The following LRRC53 variants were observed in gnomAD, a reference collection of about 807,000 sequenced individuals.
LRRC53 encodes leucine-rich repeat-containing protein 53.
LRRC53 carries 25 observed loss-of-function variants against 13.6 expected under a neutral mutation model. That is an observed-to-expected ratio of 1.83 (90% CI 1.34 to 2.56). The LOEUF is 2.56. LRRC53 is among the 30% of genes most tolerant of loss of function. LRRC53 has a pLI of 0.00. For missense variants in LRRC53, 527 were observed against 275.8 expected (o/e 1.91, Z -6.45); for synonymous variants, 204 against 109.8 (o/e 1.86, Z -5.37).
the LRRC53 span, among the ~76,000 whole-genome samples, chr1:74,529,140 G>C: frequency 6.6e-6 from 1 of 152,156 alleles, no homozygotes; most frequent in African/African-American, 2.4e-5. Context: ...TATTTATATA[G>C]TCTCAAAATA....
At chr1:74,514,465 T>A (rs1646319459), upstream of LRRC53, among the ~76,000 whole-genome samples, 1 of 152,236 alleles carries the variant, frequency 6.6e-6, no homozygotes, top group Non-Finnish European at 1.5e-5. Context: ...TGTTCTCTAC[T>A]ATCTAACAAT....
upstream of LRRC53, among the ~76,000 whole-genome samples, chr1:74,513,120 C>T (rs1406173623): frequency 1.3e-5 from 2 of 152,136 alleles, no homozygotes; most frequent in African/African-American, 2.4e-5. Context: ...CTTGCTCAGT[C>T]GATACTGTTT....
intron 1 of LRRC53, among the ~76,000 whole-genome samples, chr1:74,507,562 T>G (rs1669971412): frequency 6.6e-6 from 1 of 152,198 alleles, no homozygotes; most frequent in Non-Finnish European, 1.5e-5. Context: ...GTGTATTGAA[T>G]GAATGAATGA....
the LRRC53 span, among the ~76,000 whole-genome samples, chr1:74,525,413 A>C: frequency 6.6e-6 from 1 of 152,162 alleles, no homozygotes; most frequent in East Asian, 1.9e-4. Context: ...AGCAGCTAGG[A>C]AGTAGAGGTG....
intron 4 of LRRC53, among the ~76,000 whole-genome samples, chr1:74,473,334 T>C (rs1668029931): frequency 6.6e-6 from 1 of 152,098 alleles, no homozygotes; most frequent in Non-Finnish European, 1.5e-5. Context: ...CAAGTCTATC[T>C]GACATTAAAC....
At chr1:74,534,555 C>T in the LRRC53 span, among the ~76,000 whole-genome samples, 1 of 152,146 alleles carries the variant, frequency 6.6e-6, no homozygotes, top group Non-Finnish European at 1.5e-5. Flanking sequence ...TATGACACTG[C>T]CTGGTCCCAC....
the LRRC53 span, among the ~76,000 whole-genome samples, chr1:74,529,830 C>T: frequency 6.6e-6 from 1 of 152,154 alleles, no homozygotes; most frequent in African/African-American, 2.4e-5. Context: ...TTTGCACATG[C>T]CCCTGCTTTG....
At chr1:74,502,537 A>T (rs1669685394) in intron 1 of LRRC53, among the ~76,000 whole-genome samples, 1 of 152,212 alleles carries the variant, frequency 6.6e-6, no homozygotes, top group Non-Finnish European at 1.5e-5. Context: ...TAACTTTGCC[A>T]ACATGTTTGC....
chr1:74,507,913 G>C (rs1669987268), intron 1 of LRRC53, among the ~76,000 whole-genome samples: 1 of 152,178 alleles, frequency 6.6e-6, no homozygotes, highest in African/African-American at 2.4e-5. Flanking sequence ...CATTTGCAGA[G>C]TCCCTATATT....
chr1:74,489,218 G>A, intron 1 of LRRC53: 1 of 1,611,930 alleles, frequency 6.2e-7, no homozygotes, highest in Non-Finnish European at 8.5e-7. Context: ...AAGTTGTCAT[G>A]AAGTTAGAAG....
the LRRC53 span, among the ~76,000 whole-genome samples, chr1:74,534,053 A>G: frequency 6.6e-6 from 1 of 152,072 alleles, no homozygotes; most frequent in Non-Finnish European, 1.5e-5. Context: ...CTTCCCAGAC[A>G]CCCCACAGGG....
chr1:74,520,175 A>C, the LRRC53 span, among the ~76,000 whole-genome samples: 1 of 149,728 alleles, frequency 6.7e-6, no homozygotes, highest in South Asian at 2.1e-4. Context: ...CCCCGATTCC[A>C]CAAAGTCCAT....
chr1:74,502,138 C>T (rs1174372007), intron 1 of LRRC53, among the ~76,000 whole-genome samples: 13 of 152,110 alleles, frequency 8.5e-5, no homozygotes, highest in Admixed American at 8.5e-4. Context: ...ATGAGAACTT[C>T]ATAGCACTTA....
chr1:74,473,884 G>C (rs919303858), intron 4 of LRRC53, among the ~76,000 whole-genome samples: 1 of 152,092 alleles, frequency 6.6e-6, no homozygotes, highest in African/African-American at 2.4e-5. Flanking sequence ...TAGATCTAAA[G>C]TCCTCTCTAC....
intron 1 of LRRC53, chr1:74,491,951 C>T: frequency 1.6e-6 from 2 of 1,260,400 alleles, no homozygotes; most frequent in Non-Finnish European, 2.1e-6. Flanking sequence ...AGACTTTTTC[C>T]TGAAAGGAAA....
intron 1 of LRRC53, among the ~76,000 whole-genome samples, chr1:74,490,902 A>G (rs1332925897): frequency 1.3e-5 from 2 of 152,222 alleles, no homozygotes; most frequent in African/African-American, 4.8e-5. Context: ...AAAAATAATA[A>G]AAGTATCAAA....
chr1:74,501,033 G>T (rs1669598887), intron 1 of LRRC53, among the ~76,000 whole-genome samples: 2 of 152,146 alleles, frequency 1.3e-5, no homozygotes, highest in South Asian at 4.2e-4. Context: ...ATAATCCTCA[G>T]CTGTTGTCTC....
chr1:74,475,004 CT>C (rs57835195), intron 4 of LRRC53, among the ~76,000 whole-genome samples: 151,695 of 151,812 alleles, frequency 1, 75,789 homozygotes, highest in Middle Eastern at 1. Flanking sequence ...TAAAAGGCTA[CT>C]TTTTTTCTTT....
chr1:74,507,556 A>G (rs1264797389), intron 1 of LRRC53, among the ~76,000 whole-genome samples: 1 of 152,178 alleles, frequency 6.6e-6, no homozygotes, highest in South Asian at 2.1e-4. Context: ...ATATATGTGT[A>G]TTGAATGAAT....
Sources: allele counts gnomAD v4.1 joint callset (sites outside exome capture counted in the v4.1 genomes callset), GRCh38; gene constraint gnomAD v4.1.1; transcripts MANE v1.5; gene names NCBI Gene and HGNC (gene_info 2026-07-23, HGNC 2026-07-21).